The following PTPRT variants were observed in gnomAD, a reference collection of about 807,000 sequenced individuals.
The protein encoded by PTPRT is protein tyrosine phosphatase receptor type T.
PTPRT carries 56 observed loss-of-function variants against 176.8 expected under a neutral mutation model. That is an observed-to-expected ratio of 0.32 (90% CI 0.26 to 0.40). The LOEUF (loss-of-function observed/expected upper bound fraction) is 0.40, where lower values mean the gene tolerates loss of function less well. Ranked by LOEUF, PTPRT falls within the 10% of genes least tolerant of loss-of-function variation. The pLI is 1.00. For missense variants in PTPRT, 1,540 were observed against 1,908.2 expected (o/e 0.81, Z 3.60); for synonymous variants, 783 against 739.0 (o/e 1.06, Z -0.96).
chr20:42,999,625 T>C (rs1984430919), intron 1 of PTPRT, among the ~76,000 whole-genome samples: 1 of 150,954 alleles, frequency 6.6e-6, no homozygotes, highest in African/African-American at 2.4e-5. Context: ...TTTGTTGTTG[T>C]TGTTGTTGTG....
intron 1 of PTPRT, among the ~76,000 whole-genome samples, chr20:43,122,790 G>C (rs762389978): frequency 1.2e-4 from 19 of 152,306 alleles, no homozygotes; most frequent in Middle Eastern, 3.4e-3. Flanking sequence ...GTATAACTGT[G>C]AGCCAAATTA....
At chr20:43,158,943 C>T (rs777149452) in intron 1 of PTPRT, among the ~76,000 whole-genome samples, 38 of 152,172 alleles carry the variant, frequency 2.5e-4, no homozygotes, top group African/African-American at 7.5e-4. Flanking sequence ...ACATAGTAAC[C>T]GCTCAGTAAA....
At position 42,617,582 on chromosome 20, in the gene PTPRT, G is replaced by T. The variant is rs1306389694; in HGVS notation, c.1153+60284C>A. ...TCCATCTGGTCCTGGACTCTTTTTG[G>T]TTGGTAAACTATTGATTATTGCCAC... On this transcript the variant is annotated intron_variant, in intron 7 of 30. Coordinates refer to ENST00000373187, the MANE Select transcript of PTPRT (RefSeq NM_007050.6). 4.5e-3 allele frequency among the ~76,000 whole-genome samples: 612 copies of T among 137,232 alleles called. 71 individuals are homozygous for T. Among genetic ancestry groups the T allele is most frequent in the Admixed American group, 0.011 (158 of 14,442 alleles). 90.0% of individuals were successfully genotyped at this position (137,232 alleles called of 152,430 possible). A position where few individuals can be genotyped will look rare whatever the true frequency, so the allele number is the denominator to read the frequency against.
chr20:42,385,920 G>A (rs2058740237), intron 9 of PTPRT, among the ~76,000 whole-genome samples: 1 of 152,176 alleles, frequency 6.6e-6, no homozygotes, highest in Non-Finnish European at 1.5e-5. Context: ...GACCATATCA[G>A]AAGGTTAAAA....
At chr20:42,397,025 T>C (rs1402878086) in intron 9 of PTPRT, among the ~76,000 whole-genome samples, 1 of 152,138 alleles carries the variant, frequency 6.6e-6, no homozygotes, top group Non-Finnish European at 1.5e-5. Flanking sequence ...TTATCCTGCT[T>C]TTTTTTACCT....
intron 6 of PTPRT, among the ~76,000 whole-genome samples, chr20:42,755,351 A>G (rs2076815907): frequency 6.6e-6 from 1 of 152,096 alleles, no homozygotes; most frequent in South Asian, 2.1e-4. Context: ...AAGGAAACTA[A>G]CTTAGGAGGC....
intron 7 of PTPRT, among the ~76,000 whole-genome samples, chr20:42,493,040 C>T (rs1415218372): frequency 6.6e-6 from 1 of 152,148 alleles, no homozygotes; most frequent in Non-Finnish European, 1.5e-5. Context: ...TTGTATCCAC[C>T]TTAAATGATA....
intron 9 of PTPRT, 103 bp from the exon 10 acceptor site, chr20:42,352,388 G>A: frequency 8.6e-7 from 1 of 1,156,676 alleles, no homozygotes; most frequent in Non-Finnish European, 1.3e-6. Flanking sequence ...GAAGGGGCAG[G>A]CATGTGAACT....
chr20:42,101,875 C>A lies in PTPRT; in HGVS notation c.3714+249G>T, dbSNP rs2425473. 1.8e-4 allele frequency among the ~76,000 whole-genome samples: 28 copies of A among 152,172 alleles called. No homozygotes were observed. In the South Asian group the frequency reaches 5.8e-3, roughly 32 times the overall value. ...GGCCTGTAGACTTGCCATGGTGACA[C>A]GGGAGCCACCTTACGCTTCTGGTCT... is the stretch of plus-strand genomic sequence containing the variant. On this transcript the variant is annotated intron_variant, in intron 26 of 30. Coordinates refer to ENST00000373187, the MANE Select transcript of PTPRT (RefSeq NM_007050.6).
rs1230506577 is a variant in PTPRT at position 42,972,865 on chromosome 20, A to C, written c.89-86933T>G. 1.1e-4 allele frequency among the ~76,000 whole-genome samples: 17 copies of C among 152,224 alleles called. No homozygotes were observed. The East Asian group carries it at 3.1e-3, about 28-fold the overall frequency. Reference sequence around the variant, plus strand: ...GTCCTATATCCACATTGTCAGGTGCAGTAGCCACTAGCCATGTGTGGCTAC... The same window carrying C: ...GTCCTATATCCACATTGTCAGGTGCCGTAGCCACTAGCCATGTGTGGCTAC... On this transcript the variant is annotated intron_variant, in intron 1 of 30. Coordinates refer to ENST00000373187, the MANE Select transcript of PTPRT (RefSeq NM_007050.6).
intron 2 of PTPRT, among the ~76,000 whole-genome samples, chr20:42,829,486 G>A (rs1054796995): frequency 2.6e-5 from 4 of 152,186 alleles, no homozygotes; most frequent in Admixed American, 6.5e-5. Context: ...CCAGCACTTT[G>A]AGAGGCCAAG....
At chr20:42,466,562 A>T (rs576486616) in intron 8 of PTPRT, among the ~76,000 whole-genome samples, 1 of 152,314 alleles carries the variant, frequency 6.6e-6, no homozygotes, top group South Asian at 2.1e-4. Context: ...TTGGTGTTGT[A>T]ATTCTGAAAC....
chr20:43,081,733 C>T (rs1215106010), intron 1 of PTPRT, among the ~76,000 whole-genome samples: 1 of 152,088 alleles, frequency 6.6e-6, no homozygotes, highest in East Asian at 1.9e-4. Flanking sequence ...TGTGAAAATA[C>T]CATGTGTGCC....
chr20:42,148,244 T>C (rs6102694), intron 17 of PTPRT, among the ~76,000 whole-genome samples: 19,630 of 150,396 alleles, frequency 0.13, 3,361 homozygotes, highest in African/African-American at 0.4. Context: ...AACAGTGTTG[T>C]TTTTCCAAGG....
At chr20:42,802,142 G>A (rs538321742) in intron 2 of PTPRT, among the ~76,000 whole-genome samples, 1 of 152,310 alleles carries the variant, frequency 6.6e-6, no homozygotes, top group Admixed American at 6.5e-5. Context: ...GATTTGGGGT[G>A]GAGTCCAAGA....
At chr20:42,210,279 T>C (rs1309058354) in intron 15 of PTPRT, among the ~76,000 whole-genome samples, 2 of 152,260 alleles carry the variant, frequency 1.3e-5, no homozygotes, top group African/African-American at 4.8e-5. Context: ...TTCAACACAG[T>C]GTTGGAAGTT....
chr20:42,688,845 T>C (rs1354954579), intron 6 of PTPRT, among the ~76,000 whole-genome samples: 1 of 152,054 alleles, frequency 6.6e-6, no homozygotes, highest in Non-Finnish European at 1.5e-5. Context: ...TAACAAGTAA[T>C]GAGGGCTGAC....
intron 9 of PTPRT, among the ~76,000 whole-genome samples, chr20:42,409,761 T>C (rs993212728): frequency 6.6e-6 from 1 of 152,222 alleles, no homozygotes; most frequent in Admixed American, 6.5e-5. Context: ...AATTCAACCT[T>C]TGCTCTATCT....
chr20:42,319,131 G>A (rs1277157390), intron 11 of PTPRT, among the ~76,000 whole-genome samples: 2 of 152,128 alleles, frequency 1.3e-5, no homozygotes, highest in Non-Finnish European at 2.9e-5. Flanking sequence ...AGATCCACTT[G>A]TCAATTCAAC....
Sources: allele counts gnomAD v4.1 joint callset (sites outside exome capture counted in the v4.1 genomes callset), GRCh38; gene constraint gnomAD v4.1.1; transcripts MANE v1.5; gene names NCBI Gene and HGNC (gene_info 2026-07-23, HGNC 2026-07-21).